TTC28: variants seen among roughly 807,000 people sequenced by gnomAD.
TTC28 encodes the protein tetratricopeptide repeat protein 28.
TTC28 carries 61 observed loss-of-function variants against 198.0 expected under a neutral mutation model. The observed-to-expected ratio is 0.31, with a 90% confidence interval of 0.25 to 0.38. The LOEUF (loss-of-function observed/expected upper bound fraction) is 0.38. Ranked by LOEUF, TTC28 falls within the 10% of genes least tolerant of loss-of-function variation. The pLI, the probability that TTC28 is intolerant of heterozygous loss-of-function variation, is 1.00. For synonymous variants in TTC28, 1,171 were observed against 1,297.8 expected (o/e 0.90, Z 2.10); for missense variants, 2,678 against 3,164.0 (o/e 0.85, Z 3.69).
At chr22:28,377,085 T>C (rs1405973162) in intron 2 of TTC28, among the ~76,000 whole-genome samples, 1 of 78,804 alleles carries the variant, frequency 1.3e-5, no homozygotes, top group African/African-American at 4.3e-5. Context: ...ACACAGGACA[T>C]AATAGATTCT....
chr22:28,336,956 T>C (rs1187756276), intron 2 of TTC28, among the ~76,000 whole-genome samples: 1 of 152,220 alleles, frequency 6.6e-6, no homozygotes, highest in African/African-American at 2.4e-5. Context: ...AGATCTTTCC[T>C]GCTTTCTCTT....
chr22:28,035,695 G>A (rs772828657), intron 12 of TTC28, among the ~76,000 whole-genome samples: 4 of 152,030 alleles, frequency 2.6e-5, no homozygotes, highest in Non-Finnish European at 5.9e-5. Flanking sequence ...ATGAGACTTT[G>A]GGAACTCTAG....
At chr22:28,247,896 G>T (rs738995) in intron 5 of TTC28, among the ~76,000 whole-genome samples, 1 of 151,970 alleles carries the variant, frequency 6.6e-6, no homozygotes, top group Non-Finnish European at 1.5e-5. Flanking sequence ...AGTCATTGAA[G>T]GGTTTAAGTA....
At chr22:27,992,017 G>T (rs1450400866) in intron 19 of TTC28, among the ~76,000 whole-genome samples, 1 of 151,570 alleles carries the variant, frequency 6.6e-6, no homozygotes, top group Non-Finnish European at 1.5e-5. Context: ...CTGGTGGGCT[G>T]GCCCCACACC....
intron 12 of TTC28, among the ~76,000 whole-genome samples, chr22:28,061,910 G>A (rs1259365680): frequency 6.6e-6 from 1 of 152,122 alleles, no homozygotes; most frequent in Non-Finnish European, 1.5e-5. Context: ...GTGGTTTGTA[G>A]TTCTCCTTGA....
At chr22:28,378,465 G>A (rs2046446658) in intron 2 of TTC28, among the ~76,000 whole-genome samples, 1 of 151,352 alleles carries the variant, frequency 6.6e-6, no homozygotes, top group Admixed American at 6.6e-5. Context: ...TTTGAGACCA[G>A]CCTGGGCAAC....
intron 2 of TTC28, among the ~76,000 whole-genome samples, chr22:28,594,051 A>G (rs1181676622): frequency 6.6e-6 from 1 of 152,162 alleles, no homozygotes; most frequent in Non-Finnish European, 1.5e-5. Flanking sequence ...GACGAAAACA[A>G]AAAGTTCCCA....
chr22:28,105,121 C>T (rs535186216), intron 8 of TTC28, among the ~76,000 whole-genome samples, 158 bp downstream of exon 8: 3 of 152,182 alleles, frequency 2.0e-5, no homozygotes, highest in South Asian at 4.2e-4. Context: ...GTGGGGACAC[C>T]GTGATTCTGG....
intron 2 of TTC28, among the ~76,000 whole-genome samples, chr22:28,525,423 G>T (rs528468904): frequency 6.6e-6 from 1 of 152,200 alleles, no homozygotes; most frequent in Admixed American, 6.5e-5. Flanking sequence ...TCAAAGTGCT[G>T]GGATTACAGG....
chr22:28,403,681 C>T (rs1248741726), intron 2 of TTC28, among the ~76,000 whole-genome samples: 2 of 152,200 alleles, frequency 1.3e-5, no homozygotes, highest in African/African-American at 4.8e-5. Flanking sequence ...GACTCTTTAA[C>T]TGTAAATGAT....
At chr22:27,986,185 T>C (rs776109115) in intron 21 of TTC28, 1 of 152,080 alleles carries the variant, frequency 6.6e-6, no homozygotes, top group African/African-American at 2.4e-5. Context: ...TGGGAGGTGA[T>C]TGGATTGGTT....
chr22:28,567,479 CATATATATATATAT>C lies in TTC28; in HGVS notation c.381+62059_381+62072del, dbSNP rs398040471. Among the ~76,000 whole-genome samples, 80 of 51,142 alleles carry C rather than the reference CATATATATATATAT, an allele frequency of 1.6e-3. 1 individual carries two copies. Among genetic ancestry groups the C allele is most frequent in the East Asian group, 0.013 (13 of 1,034 alleles). 33.6% of individuals were successfully genotyped at this position (51,142 alleles called of 152,430 possible). A position where few individuals can be genotyped will look rare whatever the true frequency, so the allele number is the denominator to read the frequency against. ...CACACCACACGCATATACATACATA[CATATATATATATAT>C]ATATATATATATATATGTTTTTACC... On this transcript the variant is annotated intron_variant, in intron 2 of 22. Coordinates refer to ENST00000397906, the MANE Select transcript of TTC28 (RefSeq NM_001145418.2).
intron 1 of TTC28, among the ~76,000 whole-genome samples, chr22:28,650,216 G>A (rs1298297878): frequency 1.3e-5 from 2 of 152,060 alleles, no homozygotes; most frequent in Non-Finnish European, 1.5e-5. Context: ...CTAAATACTA[G>A]ATGCACAACT....
intron 5 of TTC28, among the ~76,000 whole-genome samples, chr22:28,282,366 CT>C (rs913001465): frequency 9.2e-5 from 14 of 152,004 alleles, no homozygotes; most frequent in South Asian, 2.1e-4. Flanking sequence ...TTTTTGTCTT[CT>C]GATTAAAGAG....
intron 5 of TTC28, among the ~76,000 whole-genome samples, chr22:28,269,049 C>T (rs1014551491): frequency 1.3e-5 from 2 of 152,140 alleles, no homozygotes; most frequent in Non-Finnish European, 2.9e-5. Flanking sequence ...CAACACCCAG[C>T]GGCCTTCTGG....
intron 12 of TTC28, among the ~76,000 whole-genome samples, chr22:28,045,335 C>G (rs1939821339): frequency 6.6e-6 from 1 of 152,176 alleles, no homozygotes; most frequent in South Asian, 2.1e-4. Context: ...CATGTTGACG[C>G]TGTGAAAGTT....
chr22:28,080,207 C>A (rs973551660), intron 12 of TTC28, among the ~76,000 whole-genome samples: 3 of 152,028 alleles, frequency 2.0e-5, no homozygotes, highest in Admixed American at 1.3e-4. Context: ...TTGTGTATAC[C>A]CAGAAATGGG....
intron 2 of TTC28, among the ~76,000 whole-genome samples, chr22:28,404,682 G>A (rs1212833954): frequency 6.6e-6 from 1 of 152,086 alleles, no homozygotes; most frequent in African/African-American, 2.4e-5. Flanking sequence ...GTACCTCTAT[G>A]ACAACTTATT....
chr22:28,578,730 T>C (rs1196532892), intron 2 of TTC28, among the ~76,000 whole-genome samples: 2 of 151,940 alleles, frequency 1.3e-5, no homozygotes, highest in Non-Finnish European at 2.9e-5. Context: ...GGAGAGAAAA[T>C]GTGTTTTGGG....
Sources: allele counts gnomAD v4.1 joint callset (sites outside exome capture counted in the v4.1 genomes callset), GRCh38; gene constraint gnomAD v4.1.1; transcripts MANE v1.5; gene names NCBI Gene and HGNC (gene_info 2026-07-23, HGNC 2026-07-21).